Variants in HHIP observed in about 807,000 individuals in gnomAD.
HHIP encodes hedgehog-interacting protein.
In HHIP, 12 loss-of-function variants were observed where a neutral mutation model predicts 74.0. The ratio of observed to expected loss-of-function variants is 0.16; its 90% CI spans 0.10 to 0.26. The LOEUF is 0.26. HHIP is among the 10% of genes least tolerant of loss of function. The pLI, the probability that HHIP is intolerant of heterozygous loss-of-function variation, is 1.00. For missense variants in HHIP, 788 were observed against 845.0 expected, an observed-to-expected ratio of 0.93 and a Z score of 0.84; for synonymous variants, 309 against 311.6, an observed-to-expected ratio of 0.99 and a Z score of 0.09.
chr4:144,711,936 CTCT>C lies in HHIP; in HGVS notation c.1302-12_1302-10del. 6.2e-7 allele frequency: 1 copy of C among 1,610,302 alleles called. No homozygotes were observed. On this transcript the variant is annotated splice_polypyrimidine_tract_variant and intron_variant, in intron 7 of 12. Coordinates refer to ENST00000296575, the MANE Select transcript of HHIP (RefSeq NM_022475.3). ...CACGGTAGGAATTAATGTGTATCCC[CTCT>C]TGTTATGCAGATGTGCTGTGGATAG...
Position 144,646,727 on chromosome 4 carries a change from T to C in HHIP, c.52T>C (p.Phe18Leu). ...KLLLLAVALGFFEGDAKFGER... is the reference protein window; with the variant it reads ...KLLLLAVALGLFEGDAKFGER... The stretch of plus-strand genomic sequence containing the variant: ...GCTGCTGCTGGCCGTGGCTCTGGGC[T>C]TCTTTGAAGGAGATGCTAAGTTTGG... The change falls in exon 1 of 13, where the codon TTC becomes CTC. Residue 18 changes from phenylalanine to leucine, a missense_variant. Phe to Leu is a conservative substitution (Grantham distance 22). This residue lies in a region of HHIP where 373 missense variants were observed against 366.4 expected (regional missense o/e 1.02). Coordinates refer to ENST00000296575, the MANE Select transcript of HHIP (RefSeq NM_022475.3). 6.2e-7 allele frequency: 1 copy of C among 1,614,116 alleles called. No individual in the cohort carries two copies. The highest frequency in any genetic ancestry group is 8.5e-7 in the Non-Finnish European group (1 of 1,180,014).
At chr4:144,659,017 G>GGTTCACTGTCA in intron 3 of HHIP, 71 bp downstream of exon 3, 1 of 1,236,530 alleles carries the variant, frequency 8.1e-7, no homozygotes, top group Non-Finnish European at 1.1e-6. Context: ...TTTTGACAGT[G>GGTTCACTGTCA]AATCAACTGT....
At chr4:144,684,100 C>CAGTG (rs1362509375) in intron 4 of HHIP, among the ~76,000 whole-genome samples, 1 of 150,742 alleles carries the variant, frequency 6.6e-6, no homozygotes, top group Non-Finnish European at 1.5e-5. Flanking sequence ...AGGCCAGTCG[C>CAGTG]AGTGACTCAC....
chr4:144,649,847 G>A (rs991345050), intron 1 of HHIP, among the ~76,000 whole-genome samples: 6 of 152,074 alleles, frequency 3.9e-5, no homozygotes, highest in African/African-American at 1.2e-4. Context: ...ACTCATCCTG[G>A]GGTCCCTTTA....
chr4:144,680,302 T>C (rs1729299720), intron 4 of HHIP, among the ~76,000 whole-genome samples: 1 of 152,210 alleles, frequency 6.6e-6, no homozygotes, highest in African/African-American at 2.4e-5. Context: ...TTTAATTTAC[T>C]TATGTAGAAA....
rs1728269093 is a variant in HHIP at position 144,646,691 on chromosome 4, T to C, written c.16T>C (p.Ser6Pro). Residue 6 changes from serine (S) to proline (P), a missense_variant, in exon 1 of 13, where the codon TCC (serine) becomes CCC (proline). Ser to Pro is a moderately conservative substitution (Grantham distance 74). Around this residue, in one of 3 missense-constraint regions of HHIP, gnomAD observed 373 missense variants for 366.4 expected, o/e 1.02. Coordinates refer to ENST00000296575, the MANE Select transcript of HHIP (RefSeq NM_022475.3). MLKML[S>P]FKLLLLAVAL... Reference sequence around the variant, plus strand: ...TGGGCAGACGATGCTGAAGATGCTCTCCTTTAAGCTGCTGCTGCTGGCCGT... The same window carrying C: ...TGGGCAGACGATGCTGAAGATGCTCCCCTTTAAGCTGCTGCTGCTGGCCGT... The C allele has an allele frequency of 5.6e-6, 9 of 1,614,038 alleles. No homozygotes were observed. Among genetic ancestry groups the C allele is most frequent in the Non-Finnish European group, 6.8e-6 (8 of 1,179,952 alleles).
At position 144,714,341 on chromosome 4, in the gene HHIP, C is replaced by G. The variant is rs746714216; in HGVS notation, c.1540C>G (p.Arg514Gly). 13 of 1,613,126 alleles carry G rather than the reference C, an allele frequency of 8.1e-6. No homozygotes were observed. In the South Asian group the frequency reaches 1.2e-4, roughly 15 times the overall value. ...GTATGGAAGCTACGTGTTTGGAGAT[C>G]GTAATGGGTAGGTTTCCTGATACCA... ...RLYGSYVFGD[R>G]NGNFLTLQQS... The change falls in exon 9 of 13, where the codon CGT becomes GGT. Residue 514 changes from arginine (R) to glycine (G), a missense_variant. Transcript: ENST00000296575.
chr4:144,655,438 G>A (rs760630145), intron 2 of HHIP, among the ~76,000 whole-genome samples: 4 of 152,108 alleles, frequency 2.6e-5, no homozygotes, highest in Non-Finnish European at 4.4e-5. Context: ...TTCTTCCTCT[G>A]TACCTGTAGT....
chr4:144,689,839 C>T (rs924966093), intron 4 of HHIP, among the ~76,000 whole-genome samples: 3 of 152,064 alleles, frequency 2.0e-5, no homozygotes, highest in South Asian at 2.1e-4. Context: ...GACGGAGTCT[C>T]GCCCTGTCGC....
intron 2 of HHIP, chr4:144,655,007 T>C (rs1041821471): frequency 2.6e-5 from 4 of 152,188 alleles, no homozygotes; most frequent in African/African-American, 7.2e-5. Context: ...CTTCATTTGT[T>C]CCCTATTGCC....
At chr4:144,693,455 A>G (rs1729730705) in intron 4 of HHIP, among the ~76,000 whole-genome samples, 1 of 152,090 alleles carries the variant, frequency 6.6e-6, no homozygotes, top group African/African-American at 2.4e-5. Flanking sequence ...CAGAGCTTTT[A>G]TTCATTGAAA....
At chr4:144,708,454 A>T in intron 7 of HHIP, 143 bp downstream of exon 7, 1 of 711,998 alleles carries the variant, frequency 1.4e-6, no homozygotes, top group South Asian at 1.9e-5. Flanking sequence ...ACAACAGGTC[A>T]TTACTCAAGT....
intron 11 of HHIP, among the ~76,000 whole-genome samples, chr4:144,723,820 G>A (rs1730713945): frequency 1.3e-5 from 2 of 152,160 alleles, no homozygotes; most frequent in South Asian, 4.1e-4. Context: ...ACAAGTATAT[G>A]CCCTATAAAA....
At chr4:144,720,373 G>A (rs572899093) in intron 11 of HHIP, among the ~76,000 whole-genome samples, 65 of 152,214 alleles carry the variant, frequency 4.3e-4, no homozygotes, top group Middle Eastern at 3.4e-3. Flanking sequence ...AACAGACATT[G>A]TTATTCTGTT....
Position 144,653,110 on chromosome 4 carries a change from T to C in HHIP, c.472+313T>C, listed in dbSNP as rs1348374653. ...TTGGATTCTCAATCCAAACTCCTCG[T>C]TGGTGCCTTCTTTACCATAACATCA... On this transcript the variant is annotated intron_variant, in intron 2 of 12. Transcript: ENST00000296575. Among the ~76,000 whole-genome samples the C allele has an allele frequency of 4.6e-5, 7 of 152,248 alleles. No homozygotes were observed. In the East Asian group the frequency reaches 1.4e-3, roughly 29 times the overall value.
At chr4:144,732,050 T>C (rs1730975020) in intron 11 of HHIP, among the ~76,000 whole-genome samples, 1 of 152,060 alleles carries the variant, frequency 6.6e-6, no homozygotes, top group Non-Finnish European at 1.5e-5. Context: ...TTGAAGAGGA[T>C]TGAGTATGTA....
intron 4 of HHIP, among the ~76,000 whole-genome samples, chr4:144,689,295 AGTTT>A (rs1303239802): frequency 2.6e-5 from 4 of 152,354 alleles, no homozygotes; most frequent in Admixed American, 2.6e-4. Context: ...TGTACTTGCT[AGTTT>A]ATTTCTAAGG....
Position 144,738,371 on chromosome 4 carries a change from A to AT in HHIP, c.*416dup. On this transcript the variant is annotated 3_prime_UTR_variant, in exon 13 of 13. Coordinates refer to ENST00000296575, the MANE Select transcript of HHIP (RefSeq NM_022475.3). ...AGTACTGTGCAATCCGATGGATCTA[A>AT]TTAAAAAAAAGGCAATATTTTTATA... 5.1e-6 allele frequency: 5 copies of AT among 977,964 alleles called. No individual in the cohort carries two copies. Among genetic ancestry groups the AT allele is most frequent in the Non-Finnish European group, 6.1e-6 (5 of 822,712 alleles). 60.6% of individuals were successfully genotyped at this position (977,964 alleles called of 1,614,324 possible).
intron 2 of HHIP, among the ~76,000 whole-genome samples, chr4:144,653,499 A>G (rs952015535): frequency 6.6e-6 from 1 of 152,154 alleles, no homozygotes; most frequent in Non-Finnish European, 1.5e-5. Context: ...AAGCTTATAT[A>G]TTCATTGATT....
Sources: allele counts gnomAD v4.1 joint callset (sites outside exome capture counted in the v4.1 genomes callset), GRCh38; gene constraint gnomAD v4.1.1; regional missense constraint gnomAD v4.1.1; transcripts MANE v1.5; gene names NCBI Gene and HGNC (gene_info 2026-07-23, HGNC 2026-07-21).